The following DAB1 variants were observed in gnomAD, a reference collection of about 807,000 sequenced individuals.
DAB1 encodes disabled homolog 1.
DAB1 carries 15 observed loss-of-function variants against 64.6 expected under a neutral mutation model. The observed-to-expected ratio is 0.23, with a 90% confidence interval of 0.16 to 0.36. The LOEUF (loss-of-function observed/expected upper bound fraction) is 0.36. DAB1 is among the 10% of genes least tolerant of loss of function. The pLI, the probability that DAB1 is intolerant of heterozygous loss-of-function variation, is 1.00. For synonymous variants in DAB1, 235 were observed against 251.9 expected (o/e 0.93, Z 0.64); for missense variants, 596 against 706.7 (o/e 0.84, Z 1.78).
chr1:58,082,506 T>G lies in DAB1; in HGVS notation n.387+68005A>C, dbSNP rs56201836. 8.4e-3 allele frequency among the ~76,000 whole-genome samples: 1,270 copies of G among 152,024 alleles called. 16 individuals are homozygous for G. The highest frequency in any genetic ancestry group is 0.029 in the African/African-American group (1,210 of 41,458). On this transcript the variant is annotated intron_variant and non_coding_transcript_variant, in intron 5 of 20. Transcript: ENST00000485760. ...TGAAAGAGATGACATAAGTAGAAAT[T>G]GTAGCATAAAGGTAGCTAAGTGAGA...
chr1:57,069,329 G>A, intron 8 of DAB1, 31 bp downstream of exon 8: 1 of 1,555,470 alleles, frequency 6.4e-7, no homozygotes, highest in Non-Finnish European at 8.9e-7. Flanking sequence ...TAGTAGTGGT[G>A]CAATGGTAAG....
At position 58,381,830 on chromosome 1, in the gene DAB1, C is replaced by T. The variant is rs543206889; in HGVS notation, n.258-38427G>A. ...CAAGTCTGAAGCTCTGTAGAGAGGA[C>T]AAGCCTGGGAATAAATTTAGGAGTC... On this transcript the variant is annotated intron_variant and non_coding_transcript_variant, in intron 3 of 20. Coordinates refer to the DAB1 transcript ENST00000485760. Among the ~76,000 whole-genome samples the T allele has an allele frequency of 8.5e-5, 13 of 152,124 alleles. No individual in the cohort carries two copies. The South Asian group carries it at 1.7e-3, about 19-fold the overall frequency.
At chr1:57,273,900 C>T (rs977779313) in intron 2 of DAB1, among the ~76,000 whole-genome samples, 1 of 151,938 alleles carries the variant, frequency 6.6e-6, no homozygotes, top group Non-Finnish European at 1.5e-5. Context: ...TGACCCAGGG[C>T]CAGCGGTGAG....
At chr1:57,879,883 G>A (rs550593025) in intron 1 of DAB1, among the ~76,000 whole-genome samples, 1 of 152,282 alleles carries the variant, frequency 6.6e-6, no homozygotes, top group African/African-American at 2.4e-5. Context: ...CAAACGCAGG[G>A]AACAGCCCTT....
chr1:57,551,227 G>A (rs962914456), intron 7 of DAB1, among the ~76,000 whole-genome samples: 1 of 152,188 alleles, frequency 6.6e-6, no homozygotes, highest in African/African-American at 2.4e-5. Context: ...CCTATTTGCA[G>A]TTCTGATCTC....
At chr1:57,282,439 G>C (rs753487735) in intron 2 of DAB1, among the ~76,000 whole-genome samples, 3 of 152,072 alleles carry the variant, frequency 2.0e-5, no homozygotes, top group Non-Finnish European at 2.9e-5. Context: ...TGCTGCCAGG[G>C]TTACAGTACA....
intron 5 of DAB1, among the ~76,000 whole-genome samples, chr1:57,984,380 C>A (rs1646160661): frequency 6.6e-6 from 1 of 152,042 alleles, no homozygotes; most frequent in African/African-American, 2.4e-5. Context: ...GTGTTAAATG[C>A]AAAACTCACT....
intron 7 of DAB1, among the ~76,000 whole-genome samples, chr1:57,551,153 G>A (rs114125753): frequency 8.2e-4 from 125 of 152,220 alleles, no homozygotes; most frequent in Non-Finnish European, 1.3e-3. Context: ...TAGCACGTTC[G>A]TCTTGCACGC....
chr1:57,892,113 A>T (rs1015745128), intron 5 of DAB1, among the ~76,000 whole-genome samples: 4 of 152,240 alleles, frequency 2.6e-5, no homozygotes, highest in African/African-American at 9.6e-5. Flanking sequence ...TTCGATATTT[A>T]AAAACAAAAC....
chr1:57,262,096 A>C (rs1670225927), intron 2 of DAB1, among the ~76,000 whole-genome samples: 1 of 152,212 alleles, frequency 6.6e-6, no homozygotes, highest in Non-Finnish European at 1.5e-5. Context: ...AATTCTGTCA[A>C]ACAAGCAAGG....
chr1:57,822,711 C>T (rs74072795), downstream of DAB1, among the ~76,000 whole-genome samples: 1,750 of 151,956 alleles, frequency 0.012, 31 homozygotes, highest in African/African-American at 0.039. Context: ...ACGTCAGCCA[C>T]ATATGTAAGT....
intron 9 of DAB1, among the ~76,000 whole-genome samples, chr1:57,048,774 T>C (rs1648846370): frequency 6.6e-6 from 1 of 152,200 alleles, no homozygotes; most frequent in South Asian, 2.1e-4. Flanking sequence ...TTCATTTGAA[T>C]AATTTTGGAA....
At chr1:57,367,562 G>A (rs1680161599) in intron 1 of DAB1, among the ~76,000 whole-genome samples, 1 of 152,182 alleles carries the variant, frequency 6.6e-6, no homozygotes, top group African/African-American at 2.4e-5. Context: ...GCTATCGAAA[G>A]AAACCATGTA....
chr1:57,107,182 C>T (rs1655241277), intron 4 of DAB1, among the ~76,000 whole-genome samples: 1 of 152,010 alleles, frequency 6.6e-6, no homozygotes, highest in Non-Finnish European at 1.5e-5. Flanking sequence ...CAAGACCAGC[C>T]TGACCAACAT....
intron 4 of DAB1, among the ~76,000 whole-genome samples, chr1:58,157,581 G>T (rs1279103965): frequency 3.9e-5 from 6 of 152,206 alleles, no homozygotes; most frequent in Middle Eastern, 3.2e-3. Context: ...TAAGTGCTTT[G>T]TAGAAAAGGA....
At chr1:57,785,537 C>A (rs563155959) in intron 6 of DAB1, among the ~76,000 whole-genome samples, 1 of 152,180 alleles carries the variant, frequency 6.6e-6, no homozygotes, top group South Asian at 2.1e-4. Flanking sequence ...TTGATTCCAG[C>A]CTTCATGGAT....
intron 4 of DAB1, among the ~76,000 whole-genome samples, chr1:58,257,339 T>C (rs547949826): frequency 3.3e-5 from 5 of 152,216 alleles, no homozygotes; most frequent in East Asian, 3.9e-4. Flanking sequence ...TTGTGCATCA[T>C]ACAAAGGTCC....
At chr1:57,360,801 T>C (rs41324751) in intron 1 of DAB1, among the ~76,000 whole-genome samples, 13,554 of 152,206 alleles carry the variant, frequency 0.089, 651 homozygotes, top group Middle Eastern at 0.12. Context: ...TCTGGAATGA[T>C]TGAAATCCAA....
intron 4 of DAB1, among the ~76,000 whole-genome samples, chr1:58,154,349 C>T (rs986778544): frequency 2.0e-5 from 3 of 152,032 alleles, no homozygotes; most frequent in Admixed American, 2.0e-4. Context: ...GAGTCCATCC[C>T]GACCCTCACT....
Sources: gnomAD v4.1 joint callset for allele counts (sites outside exome capture counted in the v4.1 genomes callset) on GRCh38, gnomAD v4.1.1 for gene constraint, MANE v1.5 for transcripts, NCBI Gene and HGNC (gene_info 2026-07-23, HGNC 2026-07-21) for gene names.